DNM3: variants seen among roughly 807,000 people sequenced by gnomAD.
The protein encoded by DNM3 is dynamin 3, also known as dynamin-3.
Under a neutral mutation model 101.6 loss-of-function variants are expected in DNM3, and 47 were observed. That is an observed-to-expected ratio of 0.46 (90% CI 0.37 to 0.59). The LOEUF is 0.59. Among genes scored for constraint, DNM3 ranks in the 20% least tolerant of loss-of-function variants. The probability of loss-of-function intolerance (pLI) is 0.00; values close to 1 mark genes in which losing one functional copy is unlikely to be tolerated. For missense variants in DNM3, 849 were observed against 1,085.7 expected, an observed-to-expected ratio of 0.78 and a Z score of 3.06; for synonymous variants, 385 against 387.9, an observed-to-expected ratio of 0.99 and a Z score of 0.09.
chr1:172,253,782 A>C, intron 15 of DNM3, 100 bp downstream of exon 15: 1 of 651,966 alleles, frequency 1.5e-6, no homozygotes, highest in Non-Finnish European at 2.3e-6. Context: ...TCACACCTTG[A>C]AATTTGTCTG....
intron 15 of DNM3, among the ~76,000 whole-genome samples, chr1:172,259,788 T>C (rs574424342): frequency 6.6e-6 from 1 of 152,248 alleles, no homozygotes; most frequent in South Asian, 2.1e-4. Flanking sequence ...TATTACTTGA[T>C]TCCTTATTGT....
intron 15 of DNM3, among the ~76,000 whole-genome samples, chr1:172,302,309 A>G (rs1425252966): frequency 6.6e-6 from 1 of 152,218 alleles, no homozygotes; most frequent in Non-Finnish European, 1.5e-5. Flanking sequence ...GCAGCAGCCT[A>G]GCAGGGGGAG....
intron 4 of DNM3, among the ~76,000 whole-genome samples, chr1:171,991,121 A>AT (rs1174232005): frequency 6.6e-6 from 1 of 152,110 alleles, no homozygotes; most frequent in African/African-American, 2.4e-5. Flanking sequence ...TTCTCCTACT[A>AT]TATTCTCAAA....
At chr1:171,961,347 T>A (rs1449018487) in intron 2 of DNM3, among the ~76,000 whole-genome samples, 5 of 152,174 alleles carry the variant, frequency 3.3e-5, no homozygotes, top group African/African-American at 9.7e-5. Flanking sequence ...GCTAGAAACA[T>A]ACTTTTAATC....
intron 2 of DNM3, among the ~76,000 whole-genome samples, chr1:171,941,542 C>T (rs2041816842): frequency 6.6e-6 from 1 of 152,194 alleles, no homozygotes; most frequent in South Asian, 2.1e-4. Flanking sequence ...AGTCAGCCCT[C>T]TTCCTCTTTG....
chr1:171,899,759 G>C, intron 1 of DNM3, among the ~76,000 whole-genome samples: 1 of 152,270 alleles, frequency 6.6e-6, no homozygotes, highest in Admixed American at 6.5e-5. Flanking sequence ...TGCTTTTTAC[G>C]GGTTGACAGT....
At position 172,173,727 on chromosome 1, in the gene DNM3, T is replaced by C. The variant is rs2059050128; in HGVS notation, c.1659+42439T>C. Among the ~76,000 whole-genome samples, 3 of 151,742 alleles carry C rather than the reference T, an allele frequency of 2.0e-5. 1 individual carries two copies. The Admixed American group carries it at 2.0e-4, about 10-fold the overall frequency. The stretch of plus-strand genomic sequence containing the variant: ...GGTTAGATTTACTTCTCATTAAAAG[T>C]ATTGAAGTTTAGGGTTAATAGTTGA... On this transcript the variant is annotated intron_variant, in intron 14 of 20. Coordinates refer to ENST00000627582, the MANE Select transcript of DNM3 (RefSeq NM_015569.5).
chr1:172,306,323 C>G (rs998525794), intron 15 of DNM3, among the ~76,000 whole-genome samples: 2 of 152,108 alleles, frequency 1.3e-5, no homozygotes, highest in East Asian at 3.9e-4. Flanking sequence ...GCTTACAAGG[C>G]ATGTGAAGCA....
Position 172,038,318 on chromosome 1 carries a change from G to A in DNM3, c.850-1G>A, listed in dbSNP as rs1156472343. On this transcript the variant is annotated splice_acceptor_variant, in intron 6 of 20. Transcript: ENST00000627582. LOFTEE classifies it high-confidence loss of function. ...TGTGTGTATCATTTTGTTTTGTTTA[G>A]CAACTTACCAACCACATTCGGGATA... The A allele has an allele frequency of 6.2e-7, 1 of 1,612,870 alleles. No individual in the cohort carries two copies. Among genetic ancestry groups the A allele is most frequent in the Non-Finnish European group, 8.5e-7 (1 of 1,179,394 alleles).
intron 17 of DNM3, among the ~76,000 whole-genome samples, chr1:172,364,535 A>T (rs1036073039): frequency 3.9e-5 from 6 of 151,906 alleles, no homozygotes; most frequent in Admixed American, 3.9e-4. Flanking sequence ...ACAAAAAAAA[A>T]TTTTTAATAA....
Position 171,987,716 on chromosome 1 carries a change from T to C in DNM3, c.296T>C (p.Leu99Pro). The C allele has an allele frequency of 6.2e-7, 1 of 1,600,766 alleles. No individual in the cohort carries two copies. Among genetic ancestry groups the C allele is most frequent in the Non-Finnish European group, 8.5e-7 (1 of 1,174,240 alleles). The change falls in exon 3 of 21, where the codon CTT becomes CCT. Residue 99 changes from leucine to proline, a missense_variant. Transcript: ENST00000627582. The stretch of plus-strand genomic sequence containing the variant: ...TTTACAGATTTTGATGAAGTTCGCC[T>C]TGAGATTGAAGCAGAAACAGATCGC... ...KKFTDFDEVR[L>P]EIEAETDRVT...
chr1:171,907,108 C>G (rs1374563232), intron 1 of DNM3, among the ~76,000 whole-genome samples: 1 of 152,198 alleles, frequency 6.6e-6, no homozygotes, highest in East Asian at 1.9e-4. Context: ...TGATGTTTTG[C>G]CTCTATTACT....
At position 172,124,794 on chromosome 1, in the gene DNM3, T is replaced by C. The variant is rs16843882; in HGVS notation, c.1546-6381T>C. ...TTAATACTAGAACCTATAGAGTGCA[T>C]TGTGGTATGTACAGACCTCAGCTAC... On this transcript the variant is annotated intron_variant, in intron 13 of 20. Coordinates refer to ENST00000627582, the MANE Select transcript of DNM3 (RefSeq NM_015569.5). Among the ~76,000 whole-genome samples the C allele has an allele frequency of 5.0e-3, 766 of 152,296 alleles. 5 individuals carry two copies. The highest frequency in any genetic ancestry group is 0.018 in the African/African-American group (740 of 41,576).
intron 17 of DNM3, among the ~76,000 whole-genome samples, chr1:172,354,469 G>A (rs967155090): frequency 6.6e-6 from 1 of 152,124 alleles, no homozygotes; most frequent in Non-Finnish European, 1.5e-5. Context: ...TCAGGCTGGT[G>A]GGAGATTCTC....
intron 14 of DNM3, among the ~76,000 whole-genome samples, chr1:172,163,275 G>A (rs566429142): frequency 4.2e-5 from 6 of 141,462 alleles, no homozygotes; most frequent in African/African-American, 1.3e-4. Flanking sequence ...GAGTCACTCC[G>A]TCACCCAGGC....
Position 172,388,598 on chromosome 1 carries a change from C to G in DNM3, c.2311C>G (p.Gln771Glu). 1 of 1,614,002 alleles carries G rather than the reference C, an allele frequency of 6.2e-7. No individual in the cohort carries two copies. The highest frequency in any genetic ancestry group is 8.5e-7 in the Non-Finnish European group (1 of 1,179,886). The change falls in exon 20 of 21, where the codon CAA becomes GAA. Residue 771 changes from glutamine to glutamate, a missense_variant. Around this residue, in one of 5 missense-constraint regions of DNM3, gnomAD observed 256 missense variants for 311.7 expected, o/e 0.82. Transcript: ENST00000627582. ...GTCACCTCCTCCAAGCCCCACAACC[C>G]AAAGGAGGCCAACACTAAGTGCTCC... is the stretch of plus-strand genomic sequence containing the variant. ...RRSPPPSPTTQRRPTLSAPLA... is the reference protein window; with the variant it reads ...RRSPPPSPTTERRPTLSAPLA...
intron 11 of DNM3, among the ~76,000 whole-genome samples, chr1:172,080,872 A>G (rs1309927752): frequency 6.6e-6 from 1 of 152,166 alleles, no homozygotes; most frequent in Non-Finnish European, 1.5e-5. Context: ...TCCCTTGGCT[A>G]GGGGAGGGAG....
chr1:171,856,740 G>A (rs2033652636), intron 1 of DNM3, among the ~76,000 whole-genome samples: 1 of 152,142 alleles, frequency 6.6e-6, no homozygotes, highest in African/African-American at 2.4e-5. Flanking sequence ...CTGAAACCTT[G>A]ATGAAGTTGT....
At chr1:172,012,556 G>A (rs1187421699) in intron 4 of DNM3, among the ~76,000 whole-genome samples, 1 of 151,910 alleles carries the variant, frequency 6.6e-6, no homozygotes, top group South Asian at 2.1e-4. Context: ...TTATTTTGGA[G>A]TGCAAATTCT....
Sources: gnomAD v4.1 joint callset for allele counts (sites outside exome capture counted in the v4.1 genomes callset) on GRCh38, gnomAD v4.1.1 for gene constraint, gnomAD v4.1.1 regional missense constraint, MANE v1.5 for transcripts, NCBI Gene and HGNC (gene_info 2026-07-23, HGNC 2026-07-21) for gene names.